Variants in USP35 observed in about 807,000 individuals in gnomAD.
USP35 encodes ubiquitin carboxyl-terminal hydrolase 35.
In USP35, 69 loss-of-function variants were observed where a neutral mutation model predicts 83.8. The observed-to-expected ratio is 0.82, with a 90% CI of 0.68 to 1.01. The LOEUF is 1.01. Among genes scored for constraint, USP35 ranks in the 50% least tolerant of loss-of-function variants. The probability of loss-of-function intolerance (pLI) is 0.00; values close to 1 mark genes in which losing one functional copy is unlikely to be tolerated. For missense variants in USP35, 1,503 were observed against 1,362.5 expected, an observed-to-expected ratio of 1.10 and a Z score of -1.62; for synonymous variants, 714 against 589.5, an observed-to-expected ratio of 1.21 and a Z score of -3.06.
At chr11:78,221,033 C>T in the USP35 span, among the ~76,000 whole-genome samples, 2 of 152,174 alleles carry the variant, frequency 1.3e-5, no homozygotes. Context: ...TGCACAAGCC[C>T]GCATTTCTTC....
chr11:78,216,457 C>T (rs115057958), downstream of USP35: 2,731 of 152,270 alleles, frequency 0.018, 88 homozygotes, highest in African/African-American at 0.062. Context: ...TGGGGATATG[C>T]TAGATACGGC....
At position 78,209,607 on chromosome 11, in the gene USP35, C is replaced by T. The variant is rs766703210; in HGVS notation, c.1752C>T (p.Leu584=). The T allele has an allele frequency of 1.9e-6, 3 of 1,614,146 alleles. No individual in the cohort carries two copies. The highest frequency in any genetic ancestry group is 3.3e-4 in the Middle Eastern group (2 of 6,062). Residue 584 remains leucine (L), a synonymous_variant, in exon 10 of 11, where the codon CTC becomes CTT. Transcript: ENST00000529308. The part of the protein sequence containing the change: ...IVTRICCLCC[L]NVSSREEAFT... ...CTCGGATCTGCTGTCTCTGCTGCCT[C>T]AACGTCTCCTCCCGGGAGGAGGCCT...
rs1264474408 is a variant in USP35 at position 78,205,799 on chromosome 11, C to G, written c.1198-43C>G. On this transcript the variant is annotated intron_variant, in intron 6 of 10. Coordinates refer to ENST00000529308, the MANE Select transcript of USP35 (RefSeq NM_020798.4). ...AGAGGTGGTAGTTTTTTGAGCTGAC[C>G]CTGGTGCCCACCATCCTGCCTGCCT... The G allele has an allele frequency of 3.2e-6, 5 of 1,571,404 alleles. No homozygotes were observed. In the South Asian group the frequency reaches 5.9e-5, roughly 18 times the overall value.
In USP35 at chr11:78,209,307, T is replaced by A. The variant is rs888578397; in HGVS notation, c.1593-141T>A. The stretch of plus-strand genomic sequence containing the variant: ...GCTGTTGTGAGCATGTACGTGGATG[T>A]GTGGGTGTTTGGTGTGTGCATGTGT... On this transcript the variant is annotated intron_variant, in intron 9 of 10. Coordinates refer to ENST00000529308, the MANE Select transcript of USP35 (RefSeq NM_020798.4). The A allele has an allele frequency of 4.6e-6, 4 of 871,572 alleles. No individual in the cohort carries two copies. In the African/African-American group the frequency reaches 6.8e-5, roughly 15 times the overall value. The allele number at this position is 871,572 out of a possible 1,614,324, so 54.0% of individuals were successfully genotyped here.
At position 78,210,268 on chromosome 11, in the gene USP35, A is replaced by G. The variant is rs1863706239; in HGVS notation, c.2413A>G (p.Ile805Val). The G allele has an allele frequency of 6.2e-7, 1 of 1,614,058 alleles. No homozygotes were observed. The highest frequency in any genetic ancestry group is 8.5e-7 in the Non-Finnish European group (1 of 1,180,022). Residue 805 changes from isoleucine (I) to valine (V), a missense_variant, in exon 10 of 11, where the codon ATC (isoleucine) becomes GTC (valine). Physicochemically the swap from Ile to Val is conservative, Grantham distance 29. Transcript: ENST00000529308. The part of the protein sequence containing the change: ...VELSQGPCYL[I>V]LTLLRFSFDL... ...GCTGAGCCAAGGGCCGTGCTACCTC[A>G]TCCTCACACTGCTGCGCTTCTCTTT...
At chr11:78,198,379 G>A (rs113348832) in intron 3 of USP35, among the ~76,000 whole-genome samples, 217 of 152,336 alleles carry the variant, frequency 1.4e-3, no homozygotes, top group African/African-American at 1.1e-3. Flanking sequence ...GGTGTCAGGC[G>A]TCCTTGGGGT....
chr11:78,213,731 A>ACAAGGATGAGGATGAAGG lies in USP35; in HGVS notation c.2977_2994dup (p.Lys993_Gly998dup), dbSNP rs1363792746. On this transcript the variant is annotated inframe_insertion, in exon 11 of 11. Coordinates refer to ENST00000529308, the MANE Select transcript of USP35 (RefSeq NM_020798.4). ...CACTGGGGGAGGGGCTTTGATGAAGACAAGGATGAGGATGAAGGCTCTCCA... is the reference window on the plus strand; with the variant it reads ...CACTGGGGGAGGGGCTTTGATGAAGACAAGGATGAGGATGAAGGCAAGGATGAGGATGAAGGCTCTCCA... 1.6e-5 allele frequency: 25 copies of ACAAGGATGAGGATGAAGG among 1,537,710 alleles called. No individual in the cohort carries two copies. Among genetic ancestry groups the ACAAGGATGAGGATGAAGG allele is most frequent in the Non-Finnish European group, 2.2e-5 (25 of 1,152,268 alleles).
rs1006004645 is a variant in USP35, at chr11:78,215,083, A to C, written c.*1270A>C. On this transcript the variant is annotated 3_prime_UTR_variant, in exon 11 of 11. Transcript: ENST00000529308. ...AAAGCAGCAGACAGACACGCCCAGAACCCATCTCTAGACGCCTAAGAAAGC... is the reference window on the plus strand; with the variant it reads ...AAAGCAGCAGACAGACACGCCCAGACCCCATCTCTAGACGCCTAAGAAAGC... Among the ~76,000 whole-genome samples the C allele has an allele frequency of 6.6e-6, 1 of 152,134 alleles. No individual in the cohort carries two copies. Among genetic ancestry groups the C allele is most frequent in the Non-Finnish European group, 1.5e-5 (1 of 68,024 alleles).
intron 3 of USP35, chr11:78,198,566 T>C (rs1863230053): frequency 1.0e-6 from 1 of 974,044 alleles, no homozygotes; most frequent in South Asian, 4.7e-5. Context: ...AATATGCCGC[T>C]CCCCTCCTCC....
rs1863206825 is a variant in USP35 at position 78,197,974 on chromosome 11, C to T, written c.712C>T (p.Gln238Ter). The part of the protein sequence containing the change: ...PPSSALASVV[Q>*]HLPLELMDGV... The stretch of plus-strand genomic sequence containing the variant: ...ATCTAGCGCCCTGGCCAGCGTGGTC[C>T]AGCACCTCCCATTGGAGCTCATGGA... Residue 238 changes from glutamine (Q) to a stop codon, truncating the protein, a stop_gained, in exon 3 of 11, where the codon CAG (glutamine) becomes TAG (stop). Transcript: ENST00000529308. LOFTEE classifies it high-confidence loss of function. 1.2e-6 allele frequency: 2 copies of T among 1,614,094 alleles called. No homozygotes were observed. Among genetic ancestry groups the T allele is most frequent in the Non-Finnish European group, 1.7e-6 (2 of 1,180,040 alleles).
chr11:78,223,709 G>A, the USP35 span: 1 of 1,535,496 alleles, frequency 6.5e-7, no homozygotes, highest in South Asian at 1.3e-5. Flanking sequence ...AAATACAGCT[G>A]TTACTAGCAA....
Position 78,210,135 on chromosome 11 carries a change from C to A in USP35, c.2280C>A (p.Ser760=), listed in dbSNP as rs369004097. The part of the protein sequence containing the change: ...ERTCGSEGSR[S]VLDLVNYFLS... ...CATGTGGCTCTGAGGGCTCCCGCTC[C>A]GTCCTGGACCTGGTTAACTACTTCC... The change falls in exon 10 of 11, where the codon TCC becomes TCA. Residue 760 remains serine (S), a synonymous_variant. Coordinates refer to ENST00000529308, the MANE Select transcript of USP35 (RefSeq NM_020798.4). 15 of 1,613,054 alleles carry A rather than the reference C, an allele frequency of 9.3e-6. No individual in the cohort carries two copies. Among genetic ancestry groups the A allele is most frequent in the Non-Finnish European group, 1.3e-5 (15 of 1,179,568 alleles).
chr11:78,195,193 A>G (rs1367527686), intron 1 of USP35, among the ~76,000 whole-genome samples: 1 of 152,330 alleles, frequency 6.6e-6, no homozygotes, highest in Non-Finnish European at 1.5e-5. Context: ...TTCCAGCTGT[A>G]ATGCAAGAGG....
intron 6 of USP35, among the ~76,000 whole-genome samples, chr11:78,205,484 C>T (rs887450415): frequency 6.6e-6 from 1 of 152,174 alleles, no homozygotes; most frequent in South Asian, 2.1e-4. Flanking sequence ...GGCCTGTGGG[C>T]CAGGGTTGTC....
Position 78,209,725 on chromosome 11 carries a change from C to A in USP35, c.1870C>A (p.Arg624=). ...GCGCCCCACAGAAGACATCACAGCC[C>A]GGGAGTTGCCCCCACCAACCAGTGC... ...VMRPTEDITA[R]ELPPPTSAQG... is the part of the protein sequence containing the mutation. The change falls in exon 10 of 11, where the codon CGG becomes AGG. Residue 624 remains arginine, a synonymous_variant. Coordinates refer to ENST00000529308, the MANE Select transcript of USP35 (RefSeq NM_020798.4). 1 of 1,614,044 alleles carries A rather than the reference C, an allele frequency of 6.2e-7. No individual in the cohort carries two copies. The highest frequency in any genetic ancestry group is 1.3e-5 in the African/African-American group (1 of 75,022).
At chr11:78,221,897 T>TC in the USP35 span, 3 of 706,468 alleles carry the variant, frequency 4.2e-6, no homozygotes, top group South Asian at 3.4e-5. Flanking sequence ...AGCTGCACAC[T>TC]CCATCAGATT....
At chr11:78,190,004 A>G (rs1007512205) in intron 1 of USP35, among the ~76,000 whole-genome samples, 3 of 152,156 alleles carry the variant, frequency 2.0e-5, no homozygotes, top group Non-Finnish European at 4.4e-5. Context: ...CGGGAGGGGC[A>G]GCCTGGTACC....
the USP35 span, chr11:78,225,108 C>G: frequency 1.2e-6 from 2 of 1,606,550 alleles, no homozygotes; most frequent in Non-Finnish European, 1.7e-6. Context: ...CCACACTCAC[C>G]AGGAAAGAGC....
chr11:78,235,870 T>C, the USP35 span, among the ~76,000 whole-genome samples: 1 of 152,256 alleles, frequency 6.6e-6, no homozygotes, highest in Non-Finnish European at 1.5e-5. Context: ...CCTCTGCCTG[T>C]TACCCAGTTC....
Sources: allele counts gnomAD v4.1 joint callset (sites outside exome capture counted in the v4.1 genomes callset), GRCh38; gene constraint gnomAD v4.1.1; transcripts MANE v1.5; gene names NCBI Gene and HGNC (gene_info 2026-07-23, HGNC 2026-07-21).